The following BLTP3A variants were observed in gnomAD, a reference collection of about 807,000 sequenced individuals.
The protein encoded by BLTP3A is bridge-like lipid transfer protein family member 3A, also known as ICBP90 binding protein 1.
the BLTP3A span, chr6:34,856,134 G>A: frequency 2.9e-6 from 4 of 1,372,814 alleles, no homozygotes; most frequent in South Asian, 5.6e-5. Context: ...TCTGCACTGT[G>A]GGTGAGGAAT....
the BLTP3A span, chr6:34,859,202 A>G: frequency 1.2e-6 from 2 of 1,614,182 alleles, no homozygotes; most frequent in Non-Finnish European, 1.7e-6. Flanking sequence ...GAGAGGCCAC[A>G]TAGCAATGGA....
the BLTP3A span, among the ~76,000 whole-genome samples, chr6:34,822,610 CT>C: frequency 1.3e-5 from 2 of 152,046 alleles, no homozygotes; most frequent in African/African-American, 4.8e-5. Flanking sequence ...AATGCCAGCA[CT>C]TTGGGAGGCA....
the BLTP3A span, among the ~76,000 whole-genome samples, chr6:34,866,209 G>T: frequency 7.4e-3 from 1,127 of 152,138 alleles, 15 homozygotes; most frequent in African/African-American, 0.023. Flanking sequence ...TTTGAGACCA[G>T]CCTGGCCAAC....
the BLTP3A span, among the ~76,000 whole-genome samples, chr6:34,838,763 C>T: frequency 0.14 from 21,507 of 151,664 alleles, 1,806 homozygotes; most frequent in African/African-American, 0.23. Context: ...TGGGCAACAT[C>T]GCAAAACCTC....
At chr6:34,817,643 C>G in the BLTP3A span, among the ~76,000 whole-genome samples, 1 of 152,048 alleles carries the variant, frequency 6.6e-6, no homozygotes, top group Non-Finnish European at 1.5e-5. Context: ...CAGATGGATG[C>G]CTGCATATGT....
At chr6:34,835,686 A>G in the BLTP3A span, among the ~76,000 whole-genome samples, 14 of 152,194 alleles carry the variant, frequency 9.2e-5, 1 homozygote, top group Admixed American at 8.5e-4. Flanking sequence ...AGAAAAATGG[A>G]ATACACCTCT....
the BLTP3A span, among the ~76,000 whole-genome samples, chr6:34,862,884 A>G: frequency 2.0e-5 from 3 of 148,582 alleles, no homozygotes; most frequent in East Asian, 2.0e-4. Context: ...TTTCTCATTC[A>G]TGGAATGAGA....
chr6:34,864,215 C>G, the BLTP3A span: 1 of 1,606,530 alleles, frequency 6.2e-7, no homozygotes, highest in Non-Finnish European at 8.5e-7. Context: ...GGGAGCAGAG[C>G]CAGGCAAAGT....
the BLTP3A span, among the ~76,000 whole-genome samples, chr6:34,866,132 A>G: frequency 6.6e-6 from 1 of 152,262 alleles, no homozygotes; most frequent in South Asian, 2.1e-4. Flanking sequence ...AGGAAAGAGA[A>G]GGCCGGCACA....
At chr6:34,819,997 C>G in the BLTP3A span, among the ~76,000 whole-genome samples, 1 of 152,184 alleles carries the variant, frequency 6.6e-6, no homozygotes, top group Non-Finnish European at 1.5e-5. Context: ...AGTTTAGTCT[C>G]TTTGGGAAGA....
chr6:34,806,954 C>T, the BLTP3A span, among the ~76,000 whole-genome samples: 3 of 152,196 alleles, frequency 2.0e-5, no homozygotes, highest in South Asian at 6.2e-4. Flanking sequence ...CCCATTGCAC[C>T]CAGCAGATAA....
At chr6:34,830,934 G>T in the BLTP3A span, among the ~76,000 whole-genome samples, 1 of 151,954 alleles carries the variant, frequency 6.6e-6, no homozygotes, top group Non-Finnish European at 1.5e-5. Context: ...TTTTTCTGAC[G>T]ATTGGTTTAT....
the BLTP3A span, among the ~76,000 whole-genome samples, chr6:34,849,866 A>G: frequency 6.4e-4 from 97 of 152,260 alleles, no homozygotes; most frequent in Non-Finnish European, 4.9e-4. Flanking sequence ...GGTCCTGCGC[A>G]GTGGCTCATG....
At chr6:34,797,826 T>C in the BLTP3A span, among the ~76,000 whole-genome samples, 2 of 152,234 alleles carry the variant, frequency 1.3e-5, no homozygotes, top group African/African-American at 4.8e-5. Context: ...GCATATTTTA[T>C]AGATGAAGAA....
chr6:34,792,249 G>T, the BLTP3A span: 1 of 1,538,980 alleles, frequency 6.5e-7, no homozygotes, highest in Non-Finnish European at 8.8e-7. Flanking sequence ...CGCGGCTCCG[G>T]CATGGCCGGG....
chr6:34,803,744 G>C, the BLTP3A span, among the ~76,000 whole-genome samples: 2 of 152,054 alleles, frequency 1.3e-5, no homozygotes, highest in Admixed American at 6.6e-5. Context: ...TGGGTGTGGG[G>C]AGCGTGGTAT....
chr6:34,821,913 T>G, the BLTP3A span: 3 of 1,614,098 alleles, frequency 1.9e-6, no homozygotes, highest in African/African-American at 4.0e-5. Flanking sequence ...CTTTCCTCTT[T>G]CAGATCCAGT....
chr6:34,827,916 A>G, the BLTP3A span, among the ~76,000 whole-genome samples: 1 of 152,008 alleles, frequency 6.6e-6, no homozygotes, highest in Non-Finnish European at 1.5e-5. Context: ...ACATGAAATC[A>G]TTCTTTAGAT....
chr6:34,792,089 G>A, the BLTP3A span: 1 of 490,226 alleles, frequency 2.0e-6, no homozygotes. Context: ...GATCGTGGCG[G>A]AGCGCCAGGC....
Sources: allele counts gnomAD v4.1 joint callset (sites outside exome capture counted in the v4.1 genomes callset), GRCh38; gene constraint gnomAD v4.1.1; transcripts MANE v1.5; gene names NCBI Gene and HGNC (gene_info 2026-07-23, HGNC 2026-07-21).